INTS12: variants seen among roughly 807,000 people sequenced by gnomAD.
INTS12 encodes the protein integrator complex subunit 12.
INTS12 carries 13 observed loss-of-function variants against 41.6 expected under a neutral mutation model. The observed-to-expected ratio is 0.31, with a 90% CI of 0.20 to 0.50. The LOEUF (loss-of-function observed/expected upper bound fraction) is 0.50. INTS12 is among the 20% of genes least tolerant of loss of function. INTS12 has a pLI of 0.98. For missense variants in INTS12, 432 were observed against 541.6 expected, an observed-to-expected ratio of 0.80 and a Z score of 2.01; for synonymous variants, 199 against 191.4, an observed-to-expected ratio of 1.04 and a Z score of -0.33.
chr4:105,690,843 TG>T (rs1273680229), intron 6 of INTS12, among the ~76,000 whole-genome samples: 1 of 152,202 alleles, frequency 6.6e-6, no homozygotes, highest in Non-Finnish European at 1.5e-5. Context: ...CAATTCTTAG[TG>T]GTTTCTTATC....
At chr4:105,698,807 G>A (rs1731960790) in intron 3 of INTS12, among the ~76,000 whole-genome samples, 2 of 152,172 alleles carry the variant, frequency 1.3e-5, no homozygotes, top group Admixed American at 6.6e-5. Context: ...TGTTTACTTG[G>A]GCTCTGAGCC....
rs376750449 is a variant in INTS12 at position 105,701,880 on chromosome 4, C to G, written c.-10+1768G>C. Among the ~76,000 whole-genome samples, 14 of 152,248 alleles carry G rather than the reference C, an allele frequency of 9.2e-5. No homozygotes were observed. The East Asian group carries it at 1.9e-3, about 21-fold the overall frequency. ...ATTTATTGCTATGTATTTCTACAAT[C>G]ACAGGTAAGAGGTTTACATTACAGA... On this transcript the variant is annotated intron_variant, in intron 2 of 7. Coordinates refer to ENST00000340139, the MANE Select transcript of INTS12 (RefSeq NM_020395.4).
chr4:105,682,998 C>T lies in INTS12; in HGVS notation c.1124G>A (p.Arg375His), dbSNP rs564283832. ...GCTGACATTGTCACAACTAACTGAG[C>T]GACTAAGGCCAGTTTTACCCAAGGT... ...PLTLGKTGLS[R>H]SVSCDNVSKV... Residue 375 changes from arginine (R) to histidine (H), a missense_variant, in exon 8 of 8, where the codon CGC (arginine) becomes CAC (histidine). Around this residue, in one of 3 missense-constraint regions of INTS12, gnomAD observed 258 missense variants for 309.9 expected, o/e 0.83. Coordinates refer to ENST00000340139, the MANE Select transcript of INTS12 (RefSeq NM_020395.4). 1.5e-5 allele frequency: 25 copies of T among 1,614,064 alleles called. No homozygotes were observed. Among genetic ancestry groups the T allele is most frequent in the African/African-American group, 4.0e-5 (3 of 75,024 alleles).
At chr4:105,683,969 T>C (rs1731415248) in intron 7 of INTS12, among the ~76,000 whole-genome samples, 1 of 152,212 alleles carries the variant, frequency 6.6e-6, no homozygotes, top group Non-Finnish European at 1.5e-5. Context: ...AAAGTTCTCA[T>C]GATTTTAGTT....
At chr4:105,694,105 T>G (rs1027558900) in intron 4 of INTS12, among the ~76,000 whole-genome samples, 46 of 152,084 alleles carry the variant, frequency 3.0e-4, no homozygotes, top group African/African-American at 9.9e-4. Context: ...TCCATTGTAA[T>G]AGAAACAAAG....
chr4:105,707,347 T>TC (rs1364582040), intron 1 of INTS12, among the ~76,000 whole-genome samples: 9 of 151,752 alleles, frequency 5.9e-5, no homozygotes, highest in Non-Finnish European at 1.2e-4. Context: ...AAGTGTTATG[T>TC]CCCCTACAAA....
intron 5 of INTS12, 60 bp downstream of exon 5, chr4:105,693,239 G>T: frequency 7.4e-7 from 1 of 1,349,510 alleles, no homozygotes; most frequent in Non-Finnish European, 1.0e-6. Context: ...GTTGAGGAGT[G>T]GAAAGGGTCA....
Position 105,683,005 on chromosome 4 carries a change from G to A in INTS12, c.1117C>T (p.Leu373Phe). The A allele has an allele frequency of 1.2e-6, 2 of 1,614,136 alleles. No homozygotes were observed. Reference protein sequence around the residue: ...PPPLTLGKTGLSRSVSCDNVS... With the variant: ...PPPLTLGKTGFSRSVSCDNVS... The stretch of plus-strand genomic sequence containing the variant: ...TTGTCACAACTAACTGAGCGACTAA[G>A]GCCAGTTTTACCCAAGGTTAGAGGT... Residue 373 changes from leucine to phenylalanine, a missense_variant, in exon 8 of 8, where the codon CTT becomes TTT. By Grantham distance (22) the Leu-to-Phe change is conservative. Around this residue, in one of 3 missense-constraint regions of INTS12, gnomAD observed 258 missense variants for 309.9 expected, o/e 0.83. Transcript: ENST00000340139.
intron 1 of INTS12, among the ~76,000 whole-genome samples, chr4:105,704,558 C>A (rs1400972895): frequency 1.3e-5 from 2 of 152,326 alleles, no homozygotes; most frequent in African/African-American, 4.8e-5. Context: ...ACAATTTGAT[C>A]TATATAGTCT....
intron 1 of INTS12, chr4:105,708,295 T>C: frequency 1.0e-6 from 1 of 985,512 alleles, no homozygotes; most frequent in Non-Finnish European, 1.2e-6. Flanking sequence ...TGGGGGATGG[T>C]CCTTGACAGG....
At chr4:105,694,941 T>C (rs1226863394) in intron 4 of INTS12, among the ~76,000 whole-genome samples, 1 of 152,102 alleles carries the variant, frequency 6.6e-6, no homozygotes, top group Non-Finnish European at 1.5e-5. Context: ...TCCTTTTTTT[T>C]TGAGACAGCG....
intron 1 of INTS12, among the ~76,000 whole-genome samples, chr4:105,704,122 T>C (rs768401673): frequency 6.6e-6 from 1 of 152,174 alleles, no homozygotes; most frequent in Non-Finnish European, 1.5e-5. Flanking sequence ...AGAAATCATA[T>C]GCTTTTGTAC....
intron 4 of INTS12, 50 bp from the exon 5 acceptor site, chr4:105,693,536 C>CT (rs1246672723): frequency 2.7e-6 from 4 of 1,486,948 alleles, no homozygotes; most frequent in African/African-American, 1.4e-5. Flanking sequence ...GTAGAATAAA[C>CT]TTTAAGTCAC....
intron 4 of INTS12, among the ~76,000 whole-genome samples, chr4:105,694,768 T>C (rs1189399294): frequency 1.3e-5 from 2 of 152,242 alleles, no homozygotes; most frequent in African/African-American, 4.8e-5. Flanking sequence ...CTTTCAAATG[T>C]ATTTTTTTCT....
At chr4:105,695,779 C>A in intron 3 of INTS12, 111 bp from the exon 4 acceptor site, 1 of 811,224 alleles carries the variant, frequency 1.2e-6, no homozygotes, top group Non-Finnish European at 2.0e-6. Flanking sequence ...TCATTATAAC[C>A]AATGTAATAT....
chr4:105,688,019 T>G (rs1207816476), intron 6 of INTS12, among the ~76,000 whole-genome samples: 1 of 152,108 alleles, frequency 6.6e-6, no homozygotes, highest in African/African-American at 2.4e-5. Context: ...AGGCAAAATA[T>G]GTGAATCTCT....
intron 3 of INTS12, among the ~76,000 whole-genome samples, chr4:105,698,684 A>G (rs1731956544): frequency 6.6e-6 from 1 of 152,236 alleles, no homozygotes; most frequent in African/African-American, 2.4e-5. Flanking sequence ...ACCTACTGCA[A>G]TGAGAATGGA....
Position 105,704,015 on chromosome 4 carries a change from T to C in INTS12, c.-171-206A>G, listed in dbSNP as rs76321687. On this transcript the variant is annotated intron_variant, in intron 1 of 7. Transcript: ENST00000340139. ...CCTATGGATTATTTCCCATATCTTCTTTTTTTTTTTTTCAGCCTTTCTACT... is the reference window on the plus strand; with the variant it reads ...CCTATGGATTATTTCCCATATCTTCCTTTTTTTTTTTTCAGCCTTTCTACT... Among the ~76,000 whole-genome samples the C allele has an allele frequency of 7.2e-5, 9 of 125,134 alleles. No individual in the cohort carries two copies. The East Asian group carries it at 1.9e-3, about 27-fold the overall frequency. 82.1% of individuals were successfully genotyped at this position (125,134 alleles called of 152,430 possible).
intron 4 of INTS12, 132 bp from the exon 5 acceptor site, chr4:105,693,618 CAG>C: frequency 1.6e-6 from 1 of 611,782 alleles, no homozygotes; most frequent in South Asian, 2.5e-5. Flanking sequence ...TAGTTAGGGA[CAG>C]ATGTGCACAT....
Sources: allele counts gnomAD v4.1 joint callset (sites outside exome capture counted in the v4.1 genomes callset), GRCh38; gene constraint gnomAD v4.1.1; regional missense constraint gnomAD v4.1.1; transcripts MANE v1.5; gene names NCBI Gene and HGNC (gene_info 2026-07-23, HGNC 2026-07-21).